Variants in LIN7A observed in about 807,000 individuals in gnomAD.
LIN7A encodes lin-7 cell polarity scaffold A.
LIN7A carries 25 observed loss-of-function variants against 29.8 expected under a neutral mutation model. The observed-to-expected ratio is 0.84, with a 90% CI of 0.61 to 1.17. LIN7A has a LOEUF of 1.17. Among genes scored for constraint, LIN7A ranks in the 50% most tolerant of loss-of-function variants. The pLI is 0.00. For missense variants in LIN7A, 239 were observed against 287.0 expected (o/e 0.83, Z 1.21); for synonymous variants, 118 against 107.5 (o/e 1.10, Z -0.60).
chr12:80,835,996 T>G (rs185642078), intron 4 of LIN7A, among the ~76,000 whole-genome samples: 1 of 152,062 alleles, frequency 6.6e-6, no homozygotes, highest in Admixed American at 6.5e-5. Context: ...AAAATAATAA[T>G]AAGCTAACAG....
intron 4 of LIN7A, among the ~76,000 whole-genome samples, chr12:80,836,862 T>C (rs577088850): frequency 1.9e-4 from 29 of 151,950 alleles, no homozygotes; most frequent in African/African-American, 7.0e-4. Flanking sequence ...ACCTTAGGAG[T>C]AAAAAAGGAC....
intron 4 of LIN7A, among the ~76,000 whole-genome samples, chr12:80,825,302 C>T (rs1225326946): frequency 6.6e-6 from 1 of 152,162 alleles, no homozygotes; most frequent in Non-Finnish European, 1.5e-5. Context: ...CTGCCAAGAC[C>T]CTAAGGGCAG....
intron 4 of LIN7A, among the ~76,000 whole-genome samples, chr12:80,817,697 A>G (rs7953046): frequency 0.5 from 75,355 of 151,904 alleles, 19,606 homozygotes; most frequent in African/African-American, 0.66. Flanking sequence ...GACCTTTAGA[A>G]ATAATCTCAT....
At chr12:80,862,245 C>A (rs1352774102) in intron 2 of LIN7A, among the ~76,000 whole-genome samples, 1 of 152,160 alleles carries the variant, frequency 6.6e-6, no homozygotes, top group Non-Finnish European at 1.5e-5. Flanking sequence ...TTCCAGGAAT[C>A]CTTTAAAATT....
chr12:80,803,616 T>C (rs1477298959), intron 5 of LIN7A, among the ~76,000 whole-genome samples: 1 of 152,166 alleles, frequency 6.6e-6, no homozygotes, highest in Non-Finnish European at 1.5e-5. Context: ...TTGATGTCTT[T>C]TGTGGTTCCA....
intron 1 of LIN7A, among the ~76,000 whole-genome samples, chr12:80,919,633 G>A (rs1274130028): frequency 6.6e-6 from 1 of 152,202 alleles, no homozygotes; most frequent in South Asian, 2.1e-4. Flanking sequence ...CAGGAATGGG[G>A]TGGGAAAGAG....
chr12:80,924,833 A>G (rs1380947559), intron 1 of LIN7A, among the ~76,000 whole-genome samples: 1 of 152,204 alleles, frequency 6.6e-6, no homozygotes, highest in African/African-American at 2.4e-5. Flanking sequence ...ATCTACATAA[A>G]CTCTAACTCC....
intron 1 of LIN7A, chr12:80,937,245 C>G (rs1050728807): frequency 5.4e-6 from 1 of 186,636 alleles, no homozygotes; most frequent in South Asian, 1.9e-4. Flanking sequence ...GCTCCCTCGC[C>G]GGTCTCCTCT....
At chr12:80,808,507 C>CTTTTTTTTTTTTTTT (rs200750392) in intron 5 of LIN7A, among the ~76,000 whole-genome samples, 1 of 137,416 alleles carries the variant, frequency 7.3e-6, no homozygotes, top group Non-Finnish European at 1.6e-5. Context: ...TTTCTTTTTT[C>CTTTTTTTTTTTTTTT]TTTTTTTTTT....
chr12:80,813,067 ATGGCGCGATCT>A (rs1204839780), intron 4 of LIN7A, among the ~76,000 whole-genome samples: 5 of 151,770 alleles, frequency 3.3e-5, no homozygotes, highest in Non-Finnish European at 7.4e-5. Context: ...CTAGAGTGCA[ATGGCGCGATCT>A]TGGCTCACTG....
At chr12:80,855,282 T>C (rs1873541605) in intron 2 of LIN7A, among the ~76,000 whole-genome samples, 1 of 152,176 alleles carries the variant, frequency 6.6e-6, no homozygotes, top group Non-Finnish European at 1.5e-5. Flanking sequence ...ATAGTGTGCA[T>C]TAAGCCTTGT....
At position 80,878,377 on chromosome 12, in the gene LIN7A, T is replaced by C. The variant is rs578076617; in HGVS notation, c.201+10874A>G. Reference sequence around the variant, plus strand: ...GGGTGATGTAGTCATTCTCTTTTTGTAATTCCTCTGATAAAATGATAAATT... The same window carrying C: ...GGGTGATGTAGTCATTCTCTTTTTGCAATTCCTCTGATAAAATGATAAATT... On this transcript the variant is annotated intron_variant, in intron 2 of 5. Coordinates refer to ENST00000552864, the MANE Select transcript of LIN7A (RefSeq NM_004664.4). Among the ~76,000 whole-genome samples the C allele has an allele frequency of 5.3e-5, 8 of 152,366 alleles. No individual in the cohort carries two copies. The East Asian group carries it at 1.5e-3, about 29-fold the overall frequency.
intron 2 of LIN7A, among the ~76,000 whole-genome samples, chr12:80,849,179 T>A (rs575412086): frequency 6.6e-6 from 1 of 152,176 alleles, no homozygotes; most frequent in Non-Finnish European, 1.5e-5. Context: ...TATGAGGTGT[T>A]CAATTTCTAT....
intron 4 of LIN7A, chr12:80,842,030 A>G (rs1201632656): frequency 3.9e-6 from 5 of 1,282,956 alleles, no homozygotes; most frequent in South Asian, 2.5e-5. Context: ...TAACATTCCC[A>G]TGGGAAATTT....
At chr12:80,876,352 A>G (rs1458122373) in intron 2 of LIN7A, among the ~76,000 whole-genome samples, 2 of 152,208 alleles carry the variant, frequency 1.3e-5, no homozygotes, top group Non-Finnish European at 2.9e-5. Context: ...ATAAAGGTAA[A>G]TATCTTTCAG....
At chr12:80,859,307 C>T (rs534660896) in intron 2 of LIN7A, among the ~76,000 whole-genome samples, 3 of 152,086 alleles carry the variant, frequency 2.0e-5, no homozygotes, top group Admixed American at 2.0e-4. Context: ...AGGAAGAGGT[C>T]CAGTTTGATG....
intron 1 of LIN7A, among the ~76,000 whole-genome samples, chr12:80,924,520 A>C (rs1719980540): frequency 6.6e-6 from 1 of 152,170 alleles, no homozygotes; most frequent in Admixed American, 6.5e-5. Flanking sequence ...CAGAGACTAT[A>C]ATTATTTTCA....
chr12:80,822,347 C>T (rs1445924910), intron 4 of LIN7A, among the ~76,000 whole-genome samples: 3 of 152,088 alleles, frequency 2.0e-5, no homozygotes, highest in Non-Finnish European at 2.9e-5. Flanking sequence ...CACCTGAGGT[C>T]AGGAGTTTGC....
chr12:80,929,943 T>C (rs920939924), intron 1 of LIN7A, among the ~76,000 whole-genome samples: 10 of 152,332 alleles, frequency 6.6e-5, no homozygotes, highest in Middle Eastern at 6.8e-3. Context: ...TATTGTTAAA[T>C]AGACCCAGCT....
Sources: allele counts gnomAD v4.1 joint callset (sites outside exome capture counted in the v4.1 genomes callset), GRCh38; gene constraint gnomAD v4.1.1; transcripts MANE v1.5; gene names NCBI Gene and HGNC (gene_info 2026-07-23, HGNC 2026-07-21).